Variants in PLCB1 observed in about 807,000 individuals in gnomAD.
The protein encoded by PLCB1 is phospholipase C beta 1, also known as 1-phosphatidylinositol 4,5-bisphosphate phosphodiesterase beta-1.
A neutral mutation model predicts 161.8 loss-of-function variants in PLCB1; 46 were observed. The ratio of observed to expected loss-of-function variants is 0.28; its 90% CI spans 0.22 to 0.36. PLCB1 has a LOEUF of 0.36. Among genes scored for constraint, PLCB1 ranks in the 10% least tolerant of loss-of-function variants. The pLI is 1.00. For synonymous variants in PLCB1, 517 were observed against 503.7 expected, an observed-to-expected ratio of 1.03 and a Z score of -0.35; for missense variants, 1,016 against 1,472.5, an observed-to-expected ratio of 0.69 and a Z score of 5.07.
At chr20:8,531,282 T>C (rs1984803001) in intron 3 of PLCB1, among the ~76,000 whole-genome samples, 1 of 152,098 alleles carries the variant, frequency 6.6e-6, no homozygotes, top group Non-Finnish European at 1.5e-5. Flanking sequence ...AATGTCACAC[T>C]AAATGATACT....
chr20:8,812,706 T>C (rs1418474644), intron 31 of PLCB1, among the ~76,000 whole-genome samples: 3 of 152,168 alleles, frequency 2.0e-5, no homozygotes, highest in African/African-American at 7.2e-5. Flanking sequence ...TGAATAGATT[T>C]ACCCACCATT....
At chr20:8,754,701 A>G (rs550242626) in intron 23 of PLCB1, among the ~76,000 whole-genome samples, 5 of 152,318 alleles carry the variant, frequency 3.3e-5, no homozygotes, top group African/African-American at 9.6e-5. Context: ...CCCCTGCTGT[A>G]TTTAAGCCAA....
intron 3 of PLCB1, among the ~76,000 whole-genome samples, chr20:8,503,802 C>T (rs1352922824): frequency 6.6e-6 from 1 of 151,922 alleles, no homozygotes; most frequent in Admixed American, 6.6e-5. Context: ...GAATATATTT[C>T]TCATGTCAAT....
At chr20:8,639,023 G>T (rs2123257352) in intron 4 of PLCB1, among the ~76,000 whole-genome samples, 1 of 152,030 alleles carries the variant, frequency 6.6e-6, no homozygotes, top group African/African-American at 2.4e-5. Flanking sequence ...AGTGTTGTGG[G>T]TGCCACTGCC....
At chr20:8,543,748 T>G (rs1207395777) in intron 3 of PLCB1, among the ~76,000 whole-genome samples, 1 of 152,082 alleles carries the variant, frequency 6.6e-6, no homozygotes, top group Non-Finnish European at 1.5e-5. Flanking sequence ...GGTGATTAGA[T>G]TATGGGGGCA....
chr20:8,274,345 A>T (rs998228767), intron 2 of PLCB1, among the ~76,000 whole-genome samples: 1 of 152,212 alleles, frequency 6.6e-6, no homozygotes, highest in Non-Finnish European at 1.5e-5. Context: ...AAAACTAATT[A>T]TACAGATACT....
intron 2 of PLCB1, among the ~76,000 whole-genome samples, chr20:8,353,323 A>T (rs937183528): frequency 3.3e-5 from 5 of 152,194 alleles, no homozygotes; most frequent in African/African-American, 1.2e-4. Flanking sequence ...ATTATAAATC[A>T]GTCATTGAAT....
intron 23 of PLCB1, among the ~76,000 whole-genome samples, chr20:8,747,348 T>C (rs1285744275): frequency 6.6e-6 from 1 of 152,230 alleles, no homozygotes. Context: ...TTCATTTCCA[T>C]ACTTGGGAAA....
intron 2 of PLCB1, among the ~76,000 whole-genome samples, chr20:8,161,166 ATATAT>A (rs1430308189): frequency 1.3e-5 from 2 of 152,028 alleles, no homozygotes; most frequent in African/African-American, 2.4e-5. Flanking sequence ...ATTTTTATAC[ATATAT>A]TTATATAGTA....
intron 2 of PLCB1, among the ~76,000 whole-genome samples, chr20:8,188,778 A>G (rs1220337550): frequency 6.6e-6 from 1 of 152,158 alleles, no homozygotes; most frequent in Non-Finnish European, 1.5e-5. Flanking sequence ...AAAATGTGCT[A>G]AAGAGTCAAA....
intron 2 of PLCB1, among the ~76,000 whole-genome samples, chr20:8,261,364 C>T (rs948283181): frequency 1.3e-5 from 2 of 152,094 alleles, no homozygotes; most frequent in African/African-American, 4.8e-5. Context: ...CTCTGCCTCC[C>T]CTTATCTCTT....
intron 7 of PLCB1, chr20:8,651,711 T>C (rs977499958): frequency 4.2e-6 from 2 of 476,080 alleles, no homozygotes; most frequent in Non-Finnish European, 7.5e-6. Context: ...CCAATAAGCA[T>C]GCCAACAAAT....
intron 1 of PLCB1, among the ~76,000 whole-genome samples, chr20:8,133,595 C>G (rs2051314905): frequency 6.6e-6 from 1 of 152,178 alleles, no homozygotes. Flanking sequence ...AATGACTTCC[C>G]CTTCCCCTCT....
chr20:8,561,477 G>C (rs572284649), intron 3 of PLCB1, among the ~76,000 whole-genome samples: 1 of 151,980 alleles, frequency 6.6e-6, no homozygotes, highest in African/African-American at 2.4e-5. Flanking sequence ...GCACTGGAGA[G>C]TTGAAACAAA....
intron 12 of PLCB1, among the ~76,000 whole-genome samples, chr20:8,711,573 C>T (rs927172003): frequency 1.3e-5 from 2 of 152,200 alleles, no homozygotes; most frequent in African/African-American, 4.8e-5. Flanking sequence ...AATGTAATGG[C>T]AGTGAAATAC....
chr20:8,610,697 G>A lies in PLCB1; in HGVS notation c.247-17597G>A, dbSNP rs187811113. On this transcript the variant is annotated intron_variant, in intron 3 of 31. Transcript: ENST00000338037. ...TTCTTGATAGTGTCCTTTGTAGCAC[G>A]AAGTTTTTGTTTTTTATAAAGTTCA... 8.5e-4 allele frequency among the ~76,000 whole-genome samples: 130 copies of A among 152,120 alleles called. No individual in the cohort carries two copies. In the Middle Eastern group the frequency reaches 0.01, roughly 12 times the overall value.
At chr20:8,317,092 C>T (rs545420152) in intron 2 of PLCB1, among the ~76,000 whole-genome samples, 10 of 152,070 alleles carry the variant, frequency 6.6e-5, no homozygotes, top group Middle Eastern at 3.4e-3. Context: ...TGAATGAATA[C>T]AGTCAGGGAG....
At chr20:8,571,573 C>T (rs934383445) in intron 3 of PLCB1, among the ~76,000 whole-genome samples, 2 of 152,098 alleles carry the variant, frequency 1.3e-5, no homozygotes, top group African/African-American at 4.8e-5. Context: ...CAGGCCTGTA[C>T]TTGTCTAGGC....
At chr20:8,577,707 G>A (rs1986719567) in intron 3 of PLCB1, among the ~76,000 whole-genome samples, 2 of 152,068 alleles carry the variant, frequency 1.3e-5, no homozygotes, top group Admixed American at 1.3e-4. Flanking sequence ...CATGCTAGAG[G>A]TAAATCCATG....
Sources: allele counts gnomAD v4.1 joint callset (sites outside exome capture counted in the v4.1 genomes callset), GRCh38; gene constraint gnomAD v4.1.1; transcripts MANE v1.5; gene names NCBI Gene and HGNC (gene_info 2026-07-23, HGNC 2026-07-21).